Variants in OVCH2 observed in about 807,000 individuals in gnomAD.
The protein encoded by OVCH2 is ovochymase 2.
Under a neutral mutation model 73.7 loss-of-function variants are expected in OVCH2, and 88 were observed. The observed-to-expected ratio is 1.19, with a 90% CI of 1.01 to 1.43. The LOEUF is 1.43. OVCH2 is among the 40% of genes most tolerant of loss of function. The pLI is 0.00. For missense variants in OVCH2, 706 were observed against 674.5 expected (o/e 1.05, Z -0.52); for synonymous variants, 265 against 234.5 (o/e 1.13, Z -1.19).
rs1402712595 is a variant in OVCH2, at chr11:7,689,942, C to T, written c.*13G>A. The T allele has an allele frequency of 2.6e-5, 39 of 1,514,748 alleles. No homozygotes were observed. The highest frequency in any genetic ancestry group is 3.4e-5 in the Non-Finnish European group (38 of 1,127,718). The allele number at this position is 1,514,748 out of a possible 1,614,324, so 93.8% of individuals were successfully genotyped here. ...AGCTTACCAGAAACATTGGTTTCTCCATTTGGCACATCTCATGTCTCCAGA... is the reference window on the plus strand; with the variant it reads ...AGCTTACCAGAAACATTGGTTTCTCTATTTGGCACATCTCATGTCTCCAGA... On this transcript the variant is annotated 3_prime_UTR_variant, in exon 15 of 16. Transcript: ENST00000533663.
rs983844819 is a variant in OVCH2 at position 7,698,670 on chromosome 11, G to C, written c.925+80C>G. 13 of 1,475,836 alleles carry C rather than the reference G, an allele frequency of 8.8e-6. No individual in the cohort carries two copies. In the African/African-American group the frequency reaches 1.5e-4, roughly 17 times the overall value. The allele number at this position is 1,475,836 out of a possible 1,614,324, so 91.4% of individuals were successfully genotyped here. ...CTGAGCAGGGAGCGCTCTTGGAGAGGAAGACTTCAGGAACTGATATTCAGA... is the reference window on the plus strand; with the variant it reads ...CTGAGCAGGGAGCGCTCTTGGAGAGCAAGACTTCAGGAACTGATATTCAGA... On this transcript the variant is annotated intron_variant, in intron 8 of 15. Coordinates refer to ENST00000533663, the MANE Select transcript of OVCH2 (RefSeq NM_198185.7).
rs751256813 is a variant in OVCH2, at chr11:7,696,801, T to A, written c.926-2A>T. 6.2e-7 allele frequency: 1 copy of A among 1,605,542 alleles called. No homozygotes were observed. Among genetic ancestry groups the A allele is most frequent in the Non-Finnish European group, 8.5e-7 (1 of 1,176,108 alleles). ...TGACATCCTGCTCACTGCACCAGGC[T>A]GGGAGGGAAAGCCAGGAGAGTCAGG... is the stretch of plus-strand genomic sequence containing the variant. On this transcript the variant is annotated splice_acceptor_variant, in intron 8 of 15. Coordinates refer to ENST00000533663, the MANE Select transcript of OVCH2 (RefSeq NM_198185.7). LOFTEE classifies it high-confidence loss of function.
At chr11:7,686,642 T>C (rs1856144495), downstream of OVCH2, among the ~76,000 whole-genome samples, 1 of 152,306 alleles carries the variant, frequency 6.6e-6, no homozygotes, top group Admixed American at 6.5e-5. Context: ...CTATAAAGAA[T>C]CTGCAGGAAG....
intron 12 of OVCH2, among the ~76,000 whole-genome samples, chr11:7,693,494 A>G (rs1297508427): frequency 6.6e-6 from 1 of 152,138 alleles, no homozygotes; most frequent in Non-Finnish European, 1.5e-5. Flanking sequence ...CGCTTCACTG[A>G]TGCACGACAC....
Position 7,696,591 on chromosome 11 carries a change from T to C in OVCH2, c.1017-2A>G. On this transcript the variant is annotated splice_acceptor_variant, in intron 9 of 15. Transcript: ENST00000533663. LOFTEE classifies it high-confidence loss of function. The stretch of plus-strand genomic sequence containing the variant: ...ACCAGCAGGGTCCAGACACACCGTC[T>C]GTAGGCAGATCATGGAGAGGGCGTT... The C allele has an allele frequency of 1.2e-6, 2 of 1,614,028 alleles. No individual in the cohort carries two copies. The highest frequency in any genetic ancestry group is 2.2e-5 in the East Asian group (1 of 44,886).
At chr11:7,700,737 C>T (rs1856421834) in intron 6 of OVCH2, among the ~76,000 whole-genome samples, 1 of 152,202 alleles carries the variant, frequency 6.6e-6, no homozygotes, top group Admixed American at 6.5e-5. Flanking sequence ...TTTCTTCTTT[C>T]TCTCCTCTCA....
chr11:7,681,603 T>C, the OVCH2 span, among the ~76,000 whole-genome samples: 1 of 151,090 alleles, frequency 6.6e-6, no homozygotes, highest in African/African-American at 2.5e-5. Context: ...TACTAGTCAA[T>C]TACTTCACCA....
chr11:7,699,131 T>TTA (rs1415553237), intron 7 of OVCH2: 202 of 186,182 alleles, frequency 1.1e-3, no homozygotes, highest in African/African-American at 4.6e-3. Context: ...AGGGCTCAGA[T>TTA]ACCTGCCACT....
downstream of OVCH2, among the ~76,000 whole-genome samples, chr11:7,687,307 GAAATAATAA>G (rs1250869730): frequency 3.7e-3 from 347 of 92,932 alleles, 2 homozygotes; most frequent in Middle Eastern, 0.027. Flanking sequence ...GATGGCTGTG[GAAATAATAA>G]TAATAATAAT....
chr11:7,694,803 CTTTTTT>C (rs34314441), intron 12 of OVCH2, among the ~76,000 whole-genome samples: 7 of 108,380 alleles, frequency 6.5e-5, no homozygotes, highest in East Asian at 2.8e-4. Flanking sequence ...TAAAGCGGCA[CTTTTTT>C]TTTTTTTTTT....
At chr11:7,680,436 T>C in the OVCH2 span, among the ~76,000 whole-genome samples, 3 of 152,198 alleles carry the variant, frequency 2.0e-5, no homozygotes, top group Admixed American at 6.5e-5. Flanking sequence ...TTTAAAGATC[T>C]TGAGACAGAG....
chr11:7,703,094 T>C (rs1856473751), intron 3 of OVCH2, among the ~76,000 whole-genome samples: 1 of 152,244 alleles, frequency 6.6e-6, no homozygotes, highest in Non-Finnish European at 1.5e-5. Context: ...CTTTGGTATC[T>C]AGCACAAAGT....
In OVCH2 at chr11:7,690,017, G is replaced by C. The variant is rs901506649; in HGVS notation, c.1640-4C>G. 3 of 1,497,958 alleles carry C rather than the reference G, an allele frequency of 2.0e-6. No individual in the cohort carries two copies. Among genetic ancestry groups the C allele is most frequent in the African/African-American group, 2.8e-5 (2 of 72,048 alleles). 92.8% of individuals were successfully genotyped at this position (1,497,958 alleles called of 1,614,324 possible). A position where few individuals can be genotyped will look rare whatever the true frequency, so the allele number is the denominator to read the frequency against. The stretch of plus-strand genomic sequence containing the variant: ...GAGATGTTTAAATCTGGGTATACTG[G>C]GTATAAGTATGATACAATTACTCAG... On this transcript the variant is annotated splice_region_variant and splice_polypyrimidine_tract_variant and intron_variant, in intron 14 of 15. Transcript: ENST00000533663.
intron 2 of OVCH2, among the ~76,000 whole-genome samples, 170 bp downstream of exon 2, chr11:7,704,395 G>A (rs1345772279): frequency 1.3e-5 from 2 of 152,098 alleles, no homozygotes; most frequent in Non-Finnish European, 2.9e-5. Context: ...GACTTACTAT[G>A]TACAAGTAAA....
At chr11:7,687,602 A>G (rs1361482452), downstream of OVCH2, among the ~76,000 whole-genome samples, 1 of 152,088 alleles carries the variant, frequency 6.6e-6, no homozygotes, top group Non-Finnish European at 1.5e-5. Flanking sequence ...ATTCTGACTC[A>G]CTGAGGTTAC....
intron 1 of OVCH2, chr11:7,705,399 G>C (rs1228163956): frequency 6.6e-6 from 1 of 152,198 alleles, no homozygotes; most frequent in Non-Finnish European, 1.5e-5. Flanking sequence ...CATTTCTAAG[G>C]TTTAGCTTAA....
downstream of OVCH2, among the ~76,000 whole-genome samples, chr11:7,685,350 C>A (rs1856131457): frequency 6.6e-6 from 1 of 152,074 alleles, no homozygotes; most frequent in African/African-American, 2.4e-5. Context: ...GAGCTGAGAC[C>A]CTTCATGACA....
At chr11:7,683,144 T>A in the OVCH2 span, among the ~76,000 whole-genome samples, 1 of 152,250 alleles carries the variant, frequency 6.6e-6, no homozygotes, top group Non-Finnish European at 1.5e-5. Context: ...GAAGTTTTCA[T>A]ATCCAGGCTG....
rs7927138 is a variant in OVCH2 at position 7,706,339 on chromosome 11, C to T, written c.56G>A (p.Arg19Gln). The T allele has an allele frequency of 0.38, 607,652 of 1,588,052 alleles. 119,684 individuals carry two copies. Among genetic ancestry groups the T allele is most frequent in the South Asian group, 0.55 (48,036 of 86,950 alleles). The change falls in exon 1 of 16, where the codon CGA becomes CAA. Residue 19 changes from arginine to glutamine, a missense_variant. Physicochemically the swap from Arg to Gln is conservative, Grantham distance 43. Transcript: ENST00000533663. Reference sequence around the variant, plus strand: ...GAGCGAAAGAGTTGCAGATTTACCTCGTTCAAAAAAGACTATTCCTAGTAG... The same window carrying T: ...GAGCGAAAGAGTTGCAGATTTACCTTGTTCAAAAAAGACTATTCCTAGTAG... ...ILLLGIVFFE[R>Q]GKSATLSLPK...
Sources: allele counts gnomAD v4.1 joint callset (sites outside exome capture counted in the v4.1 genomes callset), GRCh38; gene constraint gnomAD v4.1.1; transcripts MANE v1.5; gene names NCBI Gene and HGNC (gene_info 2026-07-23, HGNC 2026-07-21).